Variants in MRPL13 observed in about 807,000 individuals in gnomAD.
MRPL13 encodes the protein mitochondrial ribosomal protein L13.
Under a neutral mutation model 29.0 loss-of-function variants are expected in MRPL13, and 33 were observed. The observed-to-expected ratio is 1.14, with a 90% CI of 0.86 to 1.52. The LOEUF (loss-of-function observed/expected upper bound fraction) is 1.52, where lower values mean the gene tolerates loss of function less well. Among genes scored for constraint, MRPL13 ranks in the 40% most tolerant of loss-of-function variants. The pLI is 0.00. For missense variants in MRPL13, 227 were observed against 216.7 expected (o/e 1.05, Z -0.30); for synonymous variants, 77 against 68.4 (o/e 1.13, Z -0.62).
chr8:120,442,251 G>T (rs1298948305), intron 2 of MRPL13, among the ~76,000 whole-genome samples: 4 of 152,170 alleles, frequency 2.6e-5, no homozygotes, highest in African/African-American at 9.7e-5. Flanking sequence ...ACTCTTGCAT[G>T]CTACTGGCAT....
At chr8:120,411,517 GATGT>G (rs1170748972) in intron 6 of MRPL13, among the ~76,000 whole-genome samples, 9 of 152,276 alleles carry the variant, frequency 5.9e-5, no homozygotes, top group Admixed American at 1.3e-4. Flanking sequence ...AACTGGACTT[GATGT>G]CAGCTCAAAT....
At chr8:120,425,248 A>G (rs1339719820) in intron 4 of MRPL13, 58 bp downstream of exon 4, 5 of 1,335,436 alleles carry the variant, frequency 3.7e-6, no homozygotes, top group Non-Finnish European at 5.3e-6. Context: ...GAGACTGACA[A>G]AACAGTATCT....
intron 2 of MRPL13, among the ~76,000 whole-genome samples, chr8:120,432,705 C>T (rs1303503373): frequency 6.6e-6 from 1 of 152,018 alleles, no homozygotes; most frequent in Non-Finnish European, 1.5e-5. Flanking sequence ...CTACTCTCAA[C>T]TATGACTACG....
intron 2 of MRPL13, among the ~76,000 whole-genome samples, chr8:120,432,396 T>TA (rs1471861716): frequency 6.6e-6 from 1 of 152,068 alleles, no homozygotes; most frequent in Non-Finnish European, 1.5e-5. Context: ...ATACATCTTT[T>TA]AAAGGCAAAT....
At chr8:120,424,334 A>T (rs2130472242) in intron 4 of MRPL13, among the ~76,000 whole-genome samples, 1 of 152,322 alleles carries the variant, frequency 6.6e-6, no homozygotes, top group South Asian at 2.1e-4. Flanking sequence ...AAAATAAAAA[A>T]TAAATAAAAC....
intron 5 of MRPL13, among the ~76,000 whole-genome samples, chr8:120,417,172 A>G (rs1812813647): frequency 6.6e-6 from 1 of 152,188 alleles, no homozygotes; most frequent in South Asian, 2.1e-4. Flanking sequence ...GAGGCCATAT[A>G]GTTTATGTTG....
In MRPL13 at chr8:120,444,671, T is replaced by A. The variant is rs577457242; in HGVS notation, c.27+397A>T. 3.9e-5 allele frequency among the ~76,000 whole-genome samples: 6 copies of A among 152,200 alleles called. No individual in the cohort carries two copies. The South Asian group carries it at 1.2e-3, about 32-fold the overall frequency. ...TCTATTCTCGACCCAGCAGCCAGAG[T>A]GCTCCTTTTGACACCAGGTCAGATC... On this transcript the variant is annotated intron_variant, in intron 1 of 6. Coordinates refer to ENST00000306185, the MANE Select transcript of MRPL13 (RefSeq NM_014078.6).
At chr8:120,402,325 T>C (rs376427656) in intron 6 of MRPL13, among the ~76,000 whole-genome samples, 1 of 152,110 alleles carries the variant, frequency 6.6e-6, no homozygotes, top group Admixed American at 6.6e-5. Context: ...GGAACAGAAT[T>C]GAGAACTCAG....
chr8:120,428,704 C>T (rs957356937), intron 3 of MRPL13, among the ~76,000 whole-genome samples: 7 of 152,138 alleles, frequency 4.6e-5, no homozygotes, highest in Non-Finnish European at 8.8e-5. Context: ...CAAAAGAAGA[C>T]GTACATATGG....
intron 6 of MRPL13, among the ~76,000 whole-genome samples, chr8:120,398,479 C>G (rs1037625749): frequency 5.3e-5 from 8 of 152,078 alleles, no homozygotes; most frequent in Admixed American, 5.2e-4. Flanking sequence ...AAAAAGACCC[C>G]ACAAAACCCC....
At chr8:120,422,388 A>C (rs997148336) in intron 4 of MRPL13, among the ~76,000 whole-genome samples, 2 of 151,494 alleles carry the variant, frequency 1.3e-5, no homozygotes, top group Non-Finnish European at 1.5e-5. Context: ...CAATAGCTAA[A>C]AGAAAAAACA....
In MRPL13 at chr8:120,419,855, A is replaced by G. The variant is rs1812848936; in HGVS notation, c.390T>C (p.Asp130=). ...TMMERLHLFP[D]EYIPEDILKN... Reference sequence around the variant, plus strand: ...TTACCAATGACCACTGACTTACCTCATCTGGAAAAAGATGCAACCTTTCCA... The same window carrying G: ...TTACCAATGACCACTGACTTACCTCGTCTGGAAAAAGATGCAACCTTTCCA... Residue 130 remains aspartate (D), a synonymous_variant, in exon 5 of 7, where the codon GAT becomes GAC. Transcript: ENST00000306185. 7.5e-6 allele frequency: 12 copies of G among 1,589,634 alleles called. No individual in the cohort carries two copies. The highest frequency in any genetic ancestry group is 1.0e-5 in the Non-Finnish European group (12 of 1,169,148).
At chr8:120,414,181 T>C in intron 5 of MRPL13, 69 bp from the exon 6 acceptor site, 1 of 1,076,208 alleles carries the variant, frequency 9.3e-7, no homozygotes, top group Non-Finnish European at 1.2e-6. Flanking sequence ...TACTAATACT[T>C]CATAAGTGTT....
intron 3 of MRPL13, among the ~76,000 whole-genome samples, chr8:120,427,593 T>A (rs1812945242): frequency 6.6e-6 from 1 of 151,894 alleles, no homozygotes; most frequent in Non-Finnish European, 1.5e-5. Context: ...ACAAAAAGAA[T>A]AAAATACTTA....
intron 4 of MRPL13, among the ~76,000 whole-genome samples, chr8:120,424,620 G>T (rs928029028): frequency 6.6e-6 from 1 of 151,846 alleles, no homozygotes; most frequent in East Asian, 1.9e-4. Flanking sequence ...AAAAGTTTTA[G>T]CAGGGTGTGG....
chr8:120,421,592 G>A (rs1407161306), intron 4 of MRPL13, among the ~76,000 whole-genome samples: 3 of 151,634 alleles, frequency 2.0e-5, no homozygotes, highest in South Asian at 2.1e-4. Flanking sequence ...CTTCCTTGAC[G>A]AGCCATTCTT....
intron 5 of MRPL13, chr8:120,415,691 T>G (rs1812795426): frequency 6.6e-6 from 1 of 152,168 alleles, no homozygotes; most frequent in South Asian, 2.1e-4. Flanking sequence ...TTAACAATAT[T>G]TAACATCCTT....
chr8:120,439,229 G>A (rs561609771), intron 2 of MRPL13, among the ~76,000 whole-genome samples: 3 of 152,284 alleles, frequency 2.0e-5, no homozygotes, highest in African/African-American at 7.2e-5. Context: ...CATTTTCTAT[G>A]TAGTGCTATG....
At chr8:120,424,282 A>G (rs1812906589) in intron 4 of MRPL13, among the ~76,000 whole-genome samples, 1 of 152,106 alleles carries the variant, frequency 6.6e-6, no homozygotes, top group African/African-American at 2.4e-5. Context: ...TTCATCTAAC[A>G]CTAAACCTTC....
Sources: gnomAD v4.1 joint callset for allele counts (sites outside exome capture counted in the v4.1 genomes callset) on GRCh38, gnomAD v4.1.1 for gene constraint, MANE v1.5 for transcripts, NCBI Gene and HGNC (gene_info 2026-07-23, HGNC 2026-07-21) for gene names.